Variants in MRTFA observed in about 807,000 individuals in gnomAD.
MRTFA encodes myocardin-related transcription factor A.
MRTFA carries 20 observed loss-of-function variants against 83.5 expected under a neutral mutation model. That is an observed-to-expected ratio of 0.24 (90% CI 0.17 to 0.35). MRTFA has a LOEUF of 0.35. Among genes scored for constraint, MRTFA ranks in the 10% least tolerant of loss-of-function variants. The pLI is 1.00. For synonymous variants in MRTFA, 659 were observed against 541.2 expected, an observed-to-expected ratio of 1.22 and a Z score of -3.02; for missense variants, 1,200 against 1,224.7, an observed-to-expected ratio of 0.98 and a Z score of 0.30.
chr22:40,633,253 T>C (rs534351836), intron 1 of MRTFA, among the ~76,000 whole-genome samples: 1 of 152,196 alleles, frequency 6.6e-6, no homozygotes, highest in Admixed American at 6.5e-5. Flanking sequence ...AGTAAATATA[T>C]ATTTGTTCAT....
At chr22:40,589,736 T>A (rs1446816089) in intron 2 of MRTFA, among the ~76,000 whole-genome samples, 1 of 152,090 alleles carries the variant, frequency 6.6e-6, no homozygotes, top group Non-Finnish European at 1.5e-5. Flanking sequence ...ACTTAAAAAT[T>A]CATATTACAA....
intron 1 of MRTFA, among the ~76,000 whole-genome samples, chr22:40,607,191 T>G (rs926851293): frequency 6.6e-6 from 1 of 152,150 alleles, no homozygotes; most frequent in Non-Finnish European, 1.5e-5. Flanking sequence ...GCATACCTGG[T>G]GTCACGTTTG....
intron 3 of MRTFA, among the ~76,000 whole-genome samples, chr22:40,467,884 G>A (rs2053835767): frequency 1.3e-5 from 2 of 152,154 alleles, no homozygotes; most frequent in Admixed American, 6.5e-5. Flanking sequence ...AAATGGGCCT[G>A]TGTGAACAAC....
intron 3 of MRTFA, among the ~76,000 whole-genome samples, chr22:40,530,037 G>A (rs768666008): frequency 1.1e-4 from 17 of 152,096 alleles, no homozygotes; most frequent in Non-Finnish European, 2.2e-4. Flanking sequence ...GATTTATGTC[G>A]TGGGACCAAA....
In MRTFA at chr22:40,451,975, G is replaced by GTTT. The variant is rs771103539; in HGVS notation, c.307+11243_307+11245dup. On this transcript the variant is annotated intron_variant, in intron 4 of 14. Transcript: ENST00000355630. ...ACCTGGCTGAAGTTTTTTTTTTTTG[G>GTTT]TTTTTTTTTTTTTTTTTTTTTTTTT... Among the ~76,000 whole-genome samples the GTTT allele has an allele frequency of 4.3e-4, 35 of 80,478 alleles. 1 individual carries two copies. The highest frequency in any genetic ancestry group is 7.7e-4 in the Admixed American group (5 of 6,486). The allele number at this position is 80,478 out of a possible 152,430, so 52.8% of individuals were successfully genotyped here.
chr22:40,411,951 C>G (rs754991409), intron 14 of MRTFA, 44 bp from the exon 15 acceptor site: 2 of 1,419,512 alleles, frequency 1.4e-6, no homozygotes, highest in African/African-American at 2.9e-5. Flanking sequence ...GAAGCCAAGC[C>G]TGTATATCTA....
chr22:40,471,993 G>C (rs2053924181), intron 3 of MRTFA, among the ~76,000 whole-genome samples: 1 of 152,180 alleles, frequency 6.6e-6, no homozygotes, highest in South Asian at 2.1e-4. Flanking sequence ...TCCAAAGCCA[G>C]AGAAAGACAT....
chr22:40,557,333 G>T (rs1042020699), intron 2 of MRTFA, among the ~76,000 whole-genome samples: 1 of 152,168 alleles, frequency 6.6e-6, no homozygotes, highest in African/African-American at 2.4e-5. Flanking sequence ...CTAAACAGAT[G>T]CGCTAGAATC....
chr22:40,492,528 T>C (rs1448675857), intron 3 of MRTFA, among the ~76,000 whole-genome samples: 4 of 152,136 alleles, frequency 2.6e-5, no homozygotes, highest in Non-Finnish European at 5.9e-5. Context: ...TCACCCAAAA[T>C]AGTAAACAGT....
chr22:40,604,206 C>T (rs1285098382), intron 1 of MRTFA, among the ~76,000 whole-genome samples: 1 of 151,334 alleles, frequency 6.6e-6, no homozygotes, highest in African/African-American at 2.4e-5. Context: ...TCTCGGCTCA[C>T]TGCAAGCTCC....
At chr22:40,424,070 C>T (rs1302245109) in intron 8 of MRTFA, 136 bp downstream of exon 8, 3 of 1,004,536 alleles carry the variant, frequency 3.0e-6, no homozygotes, top group African/African-American at 3.4e-5. Flanking sequence ...GCAGCCAGCA[C>T]CTAAGCAACT....
chr22:40,542,308 C>T (rs1482445592), intron 3 of MRTFA, among the ~76,000 whole-genome samples: 1 of 152,214 alleles, frequency 6.6e-6, no homozygotes, highest in African/African-American at 2.4e-5. Context: ...CTCAAAGAAG[C>T]CTTCCCTACA....
intron 1 of MRTFA, among the ~76,000 whole-genome samples, chr22:40,617,861 T>C (rs1039742810): frequency 6.6e-6 from 1 of 152,322 alleles, no homozygotes; most frequent in Admixed American, 6.5e-5. Context: ...CATTCATTTA[T>C]TCAAAAAGTA....
rs766932504 is a variant in MRTFA, at chr22:40,444,449, C to T, written c.308-8895G>A. 3.7e-4 allele frequency among the ~76,000 whole-genome samples: 56 copies of T among 152,200 alleles called. 1 individual carries two copies. The highest frequency in any genetic ancestry group is 7.2e-4 in the Admixed American group (11 of 15,276). On this transcript the variant is annotated intron_variant, in intron 4 of 14. Coordinates refer to ENST00000355630, the MANE Select transcript of MRTFA (RefSeq NM_020831.6). Reference sequence around the variant, plus strand: ...AAGATATGTAAGTCTACAGATTCAACAAGCCAAGTTAAACCCCAAATAAGA... The same window carrying T: ...AAGATATGTAAGTCTACAGATTCAATAAGCCAAGTTAAACCCCAAATAAGA...
In MRTFA at chr22:40,416,848, C is replaced by T; in HGVS notation, c.2578+138G>A. On this transcript the variant is annotated intron_variant, in intron 14 of 14. Coordinates refer to ENST00000355630, the MANE Select transcript of MRTFA (RefSeq NM_020831.6). This position sits in a 1 kb window ranked among gnomAD's most constrained non-coding sequence, Gnocchi z 4.2. ...CAGGCCTTGGAGACGGGAGGGCTCACAGCCACCACTGCATCCACAGTGCTT... is the reference window on the plus strand; with the variant it reads ...CAGGCCTTGGAGACGGGAGGGCTCATAGCCACCACTGCATCCACAGTGCTT... 3 of 805,106 alleles carry T rather than the reference C, an allele frequency of 3.7e-6. No individual in the cohort carries two copies. Among genetic ancestry groups the T allele is most frequent in the Non-Finnish European group, 6.0e-6 (3 of 502,662 alleles). 49.9% of individuals were successfully genotyped at this position (805,106 alleles called of 1,614,324 possible).
Position 40,419,183 on chromosome 22 carries a change from G to A in MRTFA, c.1555C>T (p.Pro519Ser). Residue 519 changes from proline (P) to serine (S), a missense_variant, in exon 12 of 15, where the codon CCA becomes TCA. Pro to Ser is a moderately conservative substitution (Grantham distance 74, BLOSUM62 -1). Coordinates refer to ENST00000355630, the MANE Select transcript of MRTFA (RefSeq NM_020831.6). ...GCCAGGCCTGCTGCCACCAGGGCTG[G>A]CCCCGTGCTCAGCCGGGCCGCTGGG... 6.3e-7 allele frequency: 1 copy of A among 1,586,470 alleles called. No individual in the cohort carries two copies. Among genetic ancestry groups the A allele is most frequent in the Non-Finnish European group, 8.6e-7 (1 of 1,166,360 alleles).
chr22:40,443,026 G>A (rs1326211753), intron 4 of MRTFA, among the ~76,000 whole-genome samples: 1 of 152,030 alleles, frequency 6.6e-6, no homozygotes, highest in Non-Finnish European at 1.5e-5. Context: ...GAGGTCGGGG[G>A]GGATCACTTG....
chr22:40,478,375 T>C (rs1433049017), intron 3 of MRTFA, among the ~76,000 whole-genome samples: 1 of 152,138 alleles, frequency 6.6e-6, no homozygotes, highest in Non-Finnish European at 1.5e-5. Context: ...TTATGTAAGA[T>C]GCTAACATTA....
chr22:40,429,888 A>G (rs2053033281), intron 6 of MRTFA, 121 bp from the exon 7 acceptor site: 1 of 1,053,288 alleles, frequency 9.5e-7, no homozygotes, highest in Non-Finnish European at 1.4e-6. Context: ...AACGGTAAGC[A>G]TATTCCAAGC....
Sources: gnomAD v4.1 joint callset for allele counts (sites outside exome capture counted in the v4.1 genomes callset) on GRCh38, gnomAD v4.1.1 for gene constraint, Gnocchi (gnomAD v3.1) non-coding constraint, MANE v1.5 for transcripts, NCBI Gene and HGNC (gene_info 2026-07-23, HGNC 2026-07-21) for gene names.